MEGF10: variants seen among roughly 807,000 people sequenced by gnomAD.
The protein encoded by MEGF10 is multiple EGF like domains 10.
Under a neutral mutation model 147.5 loss-of-function variants are expected in MEGF10, and 86 were observed. The ratio of observed to expected loss-of-function variants is 0.58; its 90% CI spans 0.49 to 0.70. The LOEUF (loss-of-function observed/expected upper bound fraction) is 0.70. MEGF10 is among the 30% of genes least tolerant of loss of function. The pLI is 0.00. For missense variants in MEGF10, 1,329 were observed against 1,487.3 expected (o/e 0.89, Z 1.75); for synonymous variants, 478 against 525.5 (o/e 0.91, Z 1.24).
chr5:127,255,771 C>G, the MEGF10 span, among the ~76,000 whole-genome samples: 1 of 152,176 alleles, frequency 6.6e-6, no homozygotes, highest in Non-Finnish European at 1.5e-5. Flanking sequence ...TCGTCTCTTT[C>G]TAGTCTTACT....
chr5:127,318,258 A>G (rs246948), intron 1 of MEGF10, among the ~76,000 whole-genome samples: 101,105 of 151,906 alleles, frequency 0.67, 34,018 homozygotes, highest in Middle Eastern at 0.82. Context: ...TGAGAAATAA[A>G]TTTCTGCTGT....
chr5:127,278,899 T>C, the MEGF10 span, among the ~76,000 whole-genome samples: 4 of 152,172 alleles, frequency 2.6e-5, no homozygotes, highest in African/African-American at 4.8e-5. Context: ...GGAGTTATAA[T>C]TGGGTTGCTG....
chr5:127,371,637 C>T (rs900345243), intron 5 of MEGF10, among the ~76,000 whole-genome samples: 5 of 152,114 alleles, frequency 3.3e-5, no homozygotes, highest in African/African-American at 7.2e-5. Context: ...CAGACTACCT[C>T]GAGCTAAGGG....
chr5:127,297,898 A>G (rs1456161449), intron 1 of MEGF10, among the ~76,000 whole-genome samples: 1 of 152,136 alleles, frequency 6.6e-6, no homozygotes, highest in Non-Finnish European at 1.5e-5. Flanking sequence ...CCTTTCAACC[A>G]CTATGGGATT....
intron 20 of MEGF10, 127 bp from the exon 21 acceptor site, chr5:127,447,430 G>T (rs1765981397): frequency 3.2e-6 from 4 of 1,235,920 alleles, no homozygotes; most frequent in Non-Finnish European, 1.1e-6. Context: ...GCCCGCCTTG[G>T]CCTCCCAAAG....
At chr5:127,240,412 CATT>C in the MEGF10 span, among the ~76,000 whole-genome samples, 2 of 152,164 alleles carry the variant, frequency 1.3e-5, no homozygotes, top group South Asian at 4.1e-4. Context: ...TTTTGCTCAT[CATT>C]GTATCCATAG....
At chr5:127,446,108 C>T (rs1211000375) in intron 20 of MEGF10, among the ~76,000 whole-genome samples, 2 of 152,138 alleles carry the variant, frequency 1.3e-5, no homozygotes, top group African/African-American at 4.8e-5. Flanking sequence ...CCCAGCCTCT[C>T]CCTAGGCCTA....
At chr5:127,360,872 A>G (rs1406179294) in intron 4 of MEGF10, among the ~76,000 whole-genome samples, 1 of 151,738 alleles carries the variant, frequency 6.6e-6, no homozygotes, top group Non-Finnish European at 1.5e-5. Context: ...GTGTATATAT[A>G]TATATATGTT....
the MEGF10 span, among the ~76,000 whole-genome samples, chr5:127,261,568 A>G: frequency 1.3e-5 from 2 of 152,176 alleles, no homozygotes; most frequent in Non-Finnish European, 2.9e-5. Context: ...TAATATTGCT[A>G]TGACCATTTG....
At chr5:127,294,635 C>A (rs111412119) in intron 1 of MEGF10, among the ~76,000 whole-genome samples, 8,964 of 151,900 alleles carry the variant, frequency 0.059, 313 homozygotes, top group African/African-American at 0.093. Context: ...CCTGTCTCTA[C>A]TAAAAATACC....
Position 127,305,393 on chromosome 5 carries a change from C to G in MEGF10, c.-19+14337C>G, listed in dbSNP as rs1235338469. Among the ~76,000 whole-genome samples the G allele has an allele frequency of 3.3e-5, 5 of 152,142 alleles. No homozygotes were observed. In the East Asian group the frequency reaches 9.6e-4, roughly 29 times the overall value. On this transcript the variant is annotated intron_variant, in intron 1 of 24. Transcript: ENST00000503335. ...GAAAGTGTGAGGGGAGGCTGAGTAGCAGAGGCCTGCCAGTGAGGAAACACT... is the reference window on the plus strand; with the variant it reads ...GAAAGTGTGAGGGGAGGCTGAGTAGGAGAGGCCTGCCAGTGAGGAAACACT...
chr5:127,402,439 C>G lies in MEGF10; in HGVS notation c.781-107C>G, dbSNP rs1439080146. The G allele has an allele frequency of 3.2e-6, 4 of 1,244,942 alleles. No homozygotes were observed. The South Asian group carries it at 4.7e-5, about 15-fold the overall frequency. The allele number at this position is 1,244,942 out of a possible 1,614,324, so 77.1% of individuals were successfully genotyped here. A position where few individuals can be genotyped will look rare whatever the true frequency, so the allele number is the denominator to read the frequency against. ...TTCTCTAATCTAATTTTCTTGCAGCCCTGTTCCCCATCCCTCCTTTCTATT... is the reference window on the plus strand; with the variant it reads ...TTCTCTAATCTAATTTTCTTGCAGCGCTGTTCCCCATCCCTCCTTTCTATT... On this transcript the variant is annotated intron_variant, in intron 7 of 24. Coordinates refer to ENST00000503335, the MANE Select transcript of MEGF10 (RefSeq NM_001256545.2).
intron 1 of MEGF10, among the ~76,000 whole-genome samples, chr5:127,322,034 C>G (rs1760805289): frequency 7.3e-6 from 1 of 137,216 alleles, no homozygotes; most frequent in African/African-American, 2.8e-5. Flanking sequence ...GAGGATTGGT[C>G]AAAGTGGAAA....
intron 4 of MEGF10, among the ~76,000 whole-genome samples, chr5:127,366,344 A>G (rs566103572): frequency 6.6e-6 from 1 of 152,300 alleles, no homozygotes; most frequent in African/African-American, 2.4e-5. Context: ...ATGGTGGAAA[A>G]GGGCATGCAG....
intron 1 of MEGF10, among the ~76,000 whole-genome samples, chr5:127,325,122 C>G (rs1760959207): frequency 6.6e-6 from 1 of 152,148 alleles, no homozygotes; most frequent in Non-Finnish European, 1.5e-5. Flanking sequence ...AGGTGCCACT[C>G]AGTGATTTCT....
At chr5:127,336,918 C>T (rs1003027673) in intron 2 of MEGF10, among the ~76,000 whole-genome samples, 9 of 152,112 alleles carry the variant, frequency 5.9e-5, no homozygotes, top group African/African-American at 1.4e-4. Context: ...CGTTCATTCA[C>T]TTTGTTCTCC....
chr5:127,434,932 G>A, intron 15 of MEGF10, 111 bp downstream of exon 15: 1 of 1,039,044 alleles, frequency 9.6e-7, no homozygotes, highest in Non-Finnish European at 1.3e-6. Context: ...GCTGTCTGCT[G>A]GGAATGTCTT....
Position 127,459,139 on chromosome 5 carries a change from C to A in MEGF10, c.*1821C>A, listed in dbSNP as rs569858189. On this transcript the variant is annotated 3_prime_UTR_variant, in exon 25 of 25. Transcript: ENST00000503335. The stretch of plus-strand genomic sequence containing the variant: ...TCAGTTAACAAATACGTATGTGCAA[C>A]CCTTCTGCTAGTAGTGCACATAAGT... 2 of 152,334 alleles carry A rather than the reference C, an allele frequency of 1.3e-5. No individual in the cohort carries two copies. Among genetic ancestry groups the A allele is most frequent in the Non-Finnish European group, 2.9e-5 (2 of 68,038 alleles). The allele number at this position is 152,334 out of a possible 1,614,324, so 9.4% of individuals were successfully genotyped here.
chr5:127,357,142 A>G (rs2126832182), intron 4 of MEGF10, among the ~76,000 whole-genome samples: 1 of 152,342 alleles, frequency 6.6e-6, no homozygotes, highest in South Asian at 2.1e-4. Flanking sequence ...AGAAAGGGAA[A>G]GCTTTAGTTG....
Sources: allele counts gnomAD v4.1 joint callset (sites outside exome capture counted in the v4.1 genomes callset), GRCh38; gene constraint gnomAD v4.1.1; transcripts MANE v1.5; gene names NCBI Gene and HGNC (gene_info 2026-07-23, HGNC 2026-07-21).